The following CGNL1 variants were observed in gnomAD, a reference collection of about 807,000 sequenced individuals.
CGNL1 encodes cingulin like 1.
A neutral mutation model predicts 141.2 loss-of-function variants in CGNL1; 132 were observed. The ratio of observed to expected loss-of-function variants is 0.93; its 90% CI spans 0.81 to 1.08. The LOEUF (loss-of-function observed/expected upper bound fraction) is 1.08. Ranked by LOEUF, CGNL1 falls within the 50% of genes least tolerant of loss-of-function variation. The pLI, the probability that CGNL1 is intolerant of heterozygous loss-of-function variation, is 0.00. For missense variants in CGNL1, 1,870 were observed against 1,588.6 expected, an observed-to-expected ratio of 1.18 and a Z score of -3.01; for synonymous variants, 690 against 622.1, an observed-to-expected ratio of 1.11 and a Z score of -1.63.
intron 8 of CGNL1, among the ~76,000 whole-genome samples, chr15:57,484,615 G>T (rs1324576421): frequency 2.0e-5 from 3 of 152,026 alleles, no homozygotes; most frequent in Non-Finnish European, 4.4e-5. Flanking sequence ...TGTTACATAG[G>T]TATACATGTG....
chr15:57,453,859 C>T (rs766520551), intron 7 of CGNL1, 41 bp downstream of exon 7: 3 of 1,607,656 alleles, frequency 1.9e-6, no homozygotes, highest in African/African-American at 2.7e-5. Context: ...ACAGGCCCCA[C>T]CTGCCTGGAA....
At chr15:57,527,780 ATGT>A (rs1415645366) in intron 12 of CGNL1, 1 of 152,180 alleles carries the variant, frequency 6.6e-6, no homozygotes, top group Non-Finnish European at 1.5e-5. Flanking sequence ...GTGCCTGTGT[ATGT>A]TGTTAGGTTT....
At chr15:57,543,645 G>T in intron 14 of CGNL1, 51 bp from the exon 15 acceptor site, 1 of 1,496,778 alleles carries the variant, frequency 6.7e-7, no homozygotes, top group Non-Finnish European at 9.3e-7. Flanking sequence ...CAGTACAAAA[G>T]ATACAGGAAC....
Position 57,470,256 on chromosome 15 carries a change from C to CTTT in CGNL1, c.2403+8377_2403+8379dup, listed in dbSNP as rs60982599. ...AAAAGATCTCTTTTTTTTTGTCTCTCTTTTTTTTTTTTTTTGCCTGCCCCA... is the reference window on the plus strand; with the variant it reads ...AAAAGATCTCTTTTTTTTTGTCTCTCTTTTTTTTTTTTTTTTTTGCCTGCCCCA... On this transcript the variant is annotated intron_variant, in intron 8 of 18. Transcript: ENST00000281282. 1.0e-3 allele frequency among the ~76,000 whole-genome samples: 119 copies of CTTT among 113,948 alleles called. 5 individuals are homozygous for CTTT. The highest frequency in any genetic ancestry group is 5.4e-3 in the Middle Eastern group (1 of 186). 74.8% of individuals were successfully genotyped at this position (113,948 alleles called of 152,430 possible).
intron 8 of CGNL1, among the ~76,000 whole-genome samples, chr15:57,500,563 T>A (rs1197009877): frequency 6.6e-6 from 1 of 152,176 alleles, no homozygotes; most frequent in African/African-American, 2.4e-5. Context: ...ACATTGTTAA[T>A]TAGGGCAATC....
chr15:57,443,693 G>T (rs1389178114), intron 4 of CGNL1, among the ~76,000 whole-genome samples: 7 of 152,164 alleles, frequency 4.6e-5, no homozygotes, highest in Admixed American at 2.0e-4. Flanking sequence ...TTACACCATA[G>T]TCCTTGCATA....
At chr15:57,512,145 A>G (rs552320550) in intron 8 of CGNL1, among the ~76,000 whole-genome samples, 6 of 152,360 alleles carry the variant, frequency 3.9e-5, no homozygotes, top group African/African-American at 1.4e-4. Flanking sequence ...AAGATGATAC[A>G]TAGATCCAAG....
At chr15:57,544,715 G>A (rs535238758) in intron 16 of CGNL1, 118 bp downstream of exon 16, 7 of 1,180,050 alleles carry the variant, frequency 5.9e-6, no homozygotes, top group East Asian at 2.6e-5. Flanking sequence ...GGAAGGCAGA[G>A]CAACTACACC....
intron 1 of CGNL1, among the ~76,000 whole-genome samples, chr15:57,424,074 C>T (rs1414044291): frequency 1.3e-5 from 2 of 152,198 alleles, no homozygotes; most frequent in Non-Finnish European, 2.9e-5. Context: ...TTCAGGCCCA[C>T]GACACCCTGT....
chr15:57,480,099 C>T (rs1468210625), intron 8 of CGNL1, among the ~76,000 whole-genome samples: 1 of 152,094 alleles, frequency 6.6e-6, no homozygotes, highest in Non-Finnish European at 1.5e-5. Flanking sequence ...AAATAAGTGA[C>T]TTTTGAAATA....
chr15:57,403,519 A>G (rs1230931221), intron 1 of CGNL1, among the ~76,000 whole-genome samples: 1 of 152,202 alleles, frequency 6.6e-6, no homozygotes, highest in African/African-American at 2.4e-5. Context: ...GGATTCATCG[A>G]CTACAGGGAT....
chr15:57,420,172 GAAGAATAAGCCATTTATTCA>G (rs1418429375), intron 1 of CGNL1, among the ~76,000 whole-genome samples: 1 of 152,068 alleles, frequency 6.6e-6, no homozygotes, highest in East Asian at 1.9e-4. Context: ...CCTAGTCTTA[GAAGAATAAGCCATTTATTCA>G]AAGAACCCTG....
At chr15:57,501,025 G>C (rs2064016762) in intron 8 of CGNL1, among the ~76,000 whole-genome samples, 1 of 152,218 alleles carries the variant, frequency 6.6e-6, no homozygotes, top group African/African-American at 2.4e-5. Flanking sequence ...GAATGCGTGT[G>C]TATGCTTGGG....
At chr15:57,443,205 C>T (rs948678725) in intron 4 of CGNL1, among the ~76,000 whole-genome samples, 4 of 152,116 alleles carry the variant, frequency 2.6e-5, no homozygotes, top group African/African-American at 9.7e-5. Context: ...TAAATAACTG[C>T]CTGTCTGATT....
rs547941656 is a variant in CGNL1, at chr15:57,422,194, GT to G, written c.-15-15784del. Among the ~76,000 whole-genome samples, 629 of 150,474 alleles carry G rather than the reference GT, an allele frequency of 4.2e-3. 3 individuals are homozygous for G. The highest frequency in any genetic ancestry group is 0.015 in the African/African-American group (608 of 40,968). On this transcript the variant is annotated intron_variant, in intron 1 of 18. Coordinates refer to ENST00000281282, the MANE Select transcript of CGNL1 (RefSeq NM_032866.5). The stretch of plus-strand genomic sequence containing the variant: ...TATGTTTCTTCCTTTTTTCTCTTCA[GT>G]TTTTTTCTCCTTTCCTTGCAGTTAT...
intron 14 of CGNL1, among the ~76,000 whole-genome samples, chr15:57,535,664 G>A (rs1162942023): frequency 6.6e-6 from 1 of 152,252 alleles, no homozygotes; most frequent in Non-Finnish European, 1.5e-5. Flanking sequence ...AGATAAGTTT[G>A]AAGAGGCAGA....
intron 8 of CGNL1, among the ~76,000 whole-genome samples, chr15:57,492,031 G>A (rs557310188): frequency 6.6e-6 from 1 of 152,282 alleles, no homozygotes; most frequent in African/African-American, 2.4e-5. Context: ...AGCTGGAAAA[G>A]GACGTTAGGT....
intron 4 of CGNL1, among the ~76,000 whole-genome samples, chr15:57,450,165 T>C (rs1357967152): frequency 6.6e-6 from 1 of 152,220 alleles, no homozygotes; most frequent in East Asian, 1.9e-4. Flanking sequence ...TCATGTTGCA[T>C]TCCCACAAGC....
At chr15:57,496,485 A>C (rs1242281336) in intron 8 of CGNL1, among the ~76,000 whole-genome samples, 1 of 152,116 alleles carries the variant, frequency 6.6e-6, no homozygotes, top group Non-Finnish European at 1.5e-5. Flanking sequence ...CTCAGATGGA[A>C]TGGTTTAGTC....
Sources: gnomAD v4.1 joint callset for allele counts (sites outside exome capture counted in the v4.1 genomes callset) on GRCh38, gnomAD v4.1.1 for gene constraint, MANE v1.5 for transcripts, NCBI Gene and HGNC (gene_info 2026-07-23, HGNC 2026-07-21) for gene names.